ANKRD27: variants seen among roughly 807,000 people sequenced by gnomAD.
ANKRD27 encodes the protein ankyrin repeat domain-containing protein 27.
A neutral mutation model predicts 129.7 loss-of-function variants in ANKRD27; 112 were observed. That is an observed-to-expected ratio of 0.86 (90% confidence interval 0.74 to 1.01). The LOEUF is 1.01. Ranked by LOEUF, ANKRD27 falls within the 50% of genes least tolerant of loss-of-function variation. The pLI, the probability that ANKRD27 is intolerant of heterozygous loss-of-function variation, is 0.00. For synonymous variants in ANKRD27, 516 were observed against 511.2 expected, an observed-to-expected ratio of 1.01 and a Z score of -0.13; for missense variants, 1,258 against 1,300.5, an observed-to-expected ratio of 0.97 and a Z score of 0.50.
At chr19:32,665,066 C>T (rs544574402) in intron 1 of ANKRD27, among the ~76,000 whole-genome samples, 2 of 152,086 alleles carry the variant, frequency 1.3e-5, no homozygotes, top group Non-Finnish European at 2.9e-5. Context: ...CCACTAGCAG[C>T]TATTACACTG....
At chr19:32,620,038 G>A (rs926649213) in intron 18 of ANKRD27, among the ~76,000 whole-genome samples, 3 of 152,116 alleles carry the variant, frequency 2.0e-5, no homozygotes, top group East Asian at 1.9e-4. Context: ...CAAACGCCAC[G>A]GCAATAGAAC....
intron 21 of ANKRD27, among the ~76,000 whole-genome samples, chr19:32,616,912 C>T (rs1275007514): frequency 6.6e-6 from 1 of 152,138 alleles, no homozygotes; most frequent in Non-Finnish European, 1.5e-5. Flanking sequence ...CAAGACGCTG[C>T]CCTCTCTTAA....
At chr19:32,614,306 G>A (rs1035243662) in intron 22 of ANKRD27, among the ~76,000 whole-genome samples, 1 of 152,096 alleles carries the variant, frequency 6.6e-6, no homozygotes, top group African/African-American at 2.4e-5. Context: ...TAAAACACTG[G>A]GCTAGAAAAG....
intron 3 of ANKRD27, among the ~76,000 whole-genome samples, chr19:32,648,332 A>G (rs953977160): frequency 1.3e-5 from 2 of 152,196 alleles, no homozygotes; most frequent in Non-Finnish European, 2.9e-5. Flanking sequence ...TATGAAAGAT[A>G]TAATTGGTAT....
intron 2 of ANKRD27, among the ~76,000 whole-genome samples, chr19:32,651,749 T>C (rs1203713143): frequency 1.3e-5 from 2 of 151,990 alleles, no homozygotes; most frequent in South Asian, 2.1e-4. Flanking sequence ...TGCATCACCT[T>C]CTCCGCCTCC....
intron 1 of ANKRD27, chr19:32,673,576 G>GA (rs903377164): frequency 2.3e-6 from 1 of 433,638 alleles, no homozygotes; most frequent in South Asian, 9.7e-5. Context: ...AGCTTCCCCC[G>GA]AAGGGAAAGA....
intron 1 of ANKRD27, among the ~76,000 whole-genome samples, chr19:32,672,070 G>A (rs1399209900): frequency 2.0e-5 from 3 of 152,210 alleles, no homozygotes; most frequent in Non-Finnish European, 4.4e-5. Flanking sequence ...CAGCTCAGCA[G>A]AATTCAGCAT....
At chr19:32,654,137 T>A (rs993942436) in intron 2 of ANKRD27, among the ~76,000 whole-genome samples, 1 of 152,130 alleles carries the variant, frequency 6.6e-6, no homozygotes, top group Non-Finnish European at 1.5e-5. Flanking sequence ...CCTGACCTAG[T>A]GATCCGCCTG....
At chr19:32,600,627 A>G (rs1185050431) in intron 26 of ANKRD27, among the ~76,000 whole-genome samples, 1 of 152,188 alleles carries the variant, frequency 6.6e-6, no homozygotes, top group Non-Finnish European at 1.5e-5. Flanking sequence ...ATCCTCAACC[A>G]ATGAGTATAA....
intron 20 of ANKRD27, among the ~76,000 whole-genome samples, chr19:32,618,130 G>C (rs1474032895): frequency 1.5e-5 from 2 of 132,460 alleles, no homozygotes; most frequent in Admixed American, 7.3e-5. Context: ...GGTGTGCGCA[G>C]AACCCACTGC....
intron 1 of ANKRD27, among the ~76,000 whole-genome samples, chr19:32,673,904 T>G (rs1967921892): frequency 6.8e-6 from 1 of 147,452 alleles, no homozygotes; most frequent in Non-Finnish European, 1.5e-5. Flanking sequence ...CCCAACACCT[T>G]GGGAGGCCAA....
chr19:32,669,878 T>G (rs1200156410), intron 1 of ANKRD27, among the ~76,000 whole-genome samples: 2 of 151,352 alleles, frequency 1.3e-5, no homozygotes, highest in African/African-American at 4.9e-5. Context: ...GCACCTGTAG[T>G]CCCAGCTACT....
At chr19:32,605,976 T>G (rs1177886963) in intron 23 of ANKRD27, 22 bp from the exon 24 acceptor site, 1 of 1,587,242 alleles carries the variant, frequency 6.3e-7, no homozygotes, top group African/African-American at 1.4e-5. Flanking sequence ...AAGGAAAACG[T>G]GCAAACTTAA....
At chr19:32,673,475 T>C (rs1320631115) in intron 1 of ANKRD27, 1 of 985,072 alleles carries the variant, frequency 1.0e-6, no homozygotes, top group Non-Finnish European at 1.2e-6. Context: ...CCCCACCAGG[T>C]GAGCCCTCAA....
At chr19:32,654,483 T>C (rs1967481732) in intron 2 of ANKRD27, among the ~76,000 whole-genome samples, 1 of 152,198 alleles carries the variant, frequency 6.6e-6, no homozygotes, top group Non-Finnish European at 1.5e-5. Flanking sequence ...TTCGACTTTT[T>C]CTTTCAATCT....
At chr19:32,619,437 A>G in intron 19 of ANKRD27, 57 bp downstream of exon 19, 1 of 1,614,018 alleles carries the variant, frequency 6.2e-7, no homozygotes, top group East Asian at 2.2e-5. Flanking sequence ...CGTGAGGACC[A>G]GAGAAGGCGC....
Position 32,602,000 on chromosome 19 carries a change from A to G in ANKRD27, c.2767+15T>C. 6.5e-7 allele frequency: 1 copy of G among 1,549,310 alleles called. No homozygotes were observed. The highest frequency in any genetic ancestry group is 8.9e-7 in the Non-Finnish European group (1 of 1,125,062). On this transcript the variant is annotated intron_variant, in intron 26 of 28. Coordinates refer to ENST00000306065, the MANE Select transcript of ANKRD27 (RefSeq NM_032139.3). Reference sequence around the variant, plus strand: ...TACCCAACTTGAGCGTGACAGAAAGAACGTAAACTCTTACATTTTTTCCTG... The same window carrying G: ...TACCCAACTTGAGCGTGACAGAAAGGACGTAAACTCTTACATTTTTTCCTG...
At chr19:32,608,993 A>G (rs7246618) in intron 22 of ANKRD27, among the ~76,000 whole-genome samples, 88,816 of 151,914 alleles carry the variant, frequency 0.58, 27,071 homozygotes, top group Non-Finnish European at 0.69. Context: ...TCAGCCTCCC[A>G]AGTAGCTGGG....
intron 1 of ANKRD27, among the ~76,000 whole-genome samples, chr19:32,673,646 C>CTA (rs1967915421): frequency 6.6e-6 from 1 of 152,186 alleles, no homozygotes; most frequent in South Asian, 2.1e-4. Context: ...GGGAACGACC[C>CTA]TATGTAGCGT....
Sources: gnomAD v4.1 joint callset for allele counts (sites outside exome capture counted in the v4.1 genomes callset) on GRCh38, gnomAD v4.1.1 for gene constraint, MANE v1.5 for transcripts, NCBI Gene and HGNC (gene_info 2026-07-23, HGNC 2026-07-21) for gene names.